Variants in WIPF1 observed in about 807,000 individuals in gnomAD.
WIPF1 encodes WAS/WASL interacting protein family member 1, also known as WAS/WASL-interacting protein family member 1.
A neutral mutation model predicts 35.4 loss-of-function variants in WIPF1; 13 were observed. The observed-to-expected ratio is 0.37, with a 90% CI of 0.24 to 0.58. The LOEUF (loss-of-function observed/expected upper bound fraction) is 0.58. Ranked by LOEUF, WIPF1 falls within the 20% of genes least tolerant of loss-of-function variation. The pLI, the probability that WIPF1 is intolerant of heterozygous loss-of-function variation, is 0.74. For synonymous variants in WIPF1, 267 were observed against 266.3 expected (o/e 1.00, Z -0.02); for missense variants, 591 against 667.0 (o/e 0.89, Z 1.25).
intron 1 of WIPF1, among the ~76,000 whole-genome samples, chr2:174,592,999 T>C (rs1182747766): frequency 6.6e-6 from 1 of 152,192 alleles, no homozygotes; most frequent in African/African-American, 2.4e-5. Flanking sequence ...AGTTTTTTGT[T>C]TGTTGTTGTT....
At position 174,560,830 on chromosome 2, in the gene WIPF1, A is replaced by G. The variant is rs1684467013; in HGVS notation, c.*1717T>C. The G allele has an allele frequency of 6.6e-6, 1 of 152,618 alleles. No individual in the cohort carries two copies. The highest frequency in any genetic ancestry group is 2.4e-5 in the African/African-American group (1 of 41,452). 9.5% of individuals were successfully genotyped at this position (152,618 alleles called of 1,614,324 possible). ...GAACTCTAAGTTCTTTTGCTTTTAT[A>G]TAAATGAAACATTTATTCTATAAAT... On this transcript the variant is annotated 3_prime_UTR_variant, in exon 8 of 8. Coordinates refer to ENST00000679041, the MANE Select transcript of WIPF1 (RefSeq NM_001375834.1).
chr2:174,572,598 C>T (rs1684910215), intron 4 of WIPF1, 152 bp from the exon 5 acceptor site: 2 of 1,109,270 alleles, frequency 1.8e-6, no homozygotes, highest in African/African-American at 1.6e-5. Context: ...TTTTGTTGGT[C>T]CTTCTTGGGA....
chr2:174,567,970 C>A lies in WIPF1; in HGVS notation c.1233G>T (p.Arg411Ser), dbSNP rs367686097. ...LPSRSGVDSP[R>S]SGPRPPLPPD... The stretch of plus-strand genomic sequence containing the variant: ...GAGGAAGGGGAGGCCTGGGTCCACT[C>A]CTGGGACTGTCTACTCCACTCCTGG... Residue 411 changes from arginine to serine, a missense_variant, in exon 6 of 8, where the codon AGG (arginine) becomes AGT (serine). Around this residue, in one of 3 missense-constraint regions of WIPF1, gnomAD observed 117 missense variants for 149.6 expected, o/e 0.78. Transcript: ENST00000679041. The A allele has an allele frequency of 3.3e-5, 53 of 1,613,964 alleles. No homozygotes were observed. Among genetic ancestry groups the A allele is most frequent in the Non-Finnish European group, 4.3e-5 (51 of 1,180,018 alleles).
At chr2:174,649,157 C>G (rs752467685) in intron 1 of WIPF1, among the ~76,000 whole-genome samples, 4 of 152,162 alleles carry the variant, frequency 2.6e-5, no homozygotes, top group Non-Finnish European at 5.9e-5. Flanking sequence ...TTTTCATCAT[C>G]AGGCCATACT....
intron 1 of WIPF1, among the ~76,000 whole-genome samples, chr2:174,610,741 G>A (rs1476386755): frequency 3.9e-5 from 6 of 152,162 alleles, no homozygotes; most frequent in South Asian, 2.1e-4. Flanking sequence ...TAAGGTCAAC[G>A]TGTCAGAATA....
At chr2:174,618,023 T>C (rs1272657450) in intron 1 of WIPF1, among the ~76,000 whole-genome samples, 2 of 152,212 alleles carry the variant, frequency 1.3e-5, no homozygotes, top group Non-Finnish European at 2.9e-5. Flanking sequence ...AGGAATCGAA[T>C]TGGTATGCTA....
intron 7 of WIPF1, among the ~76,000 whole-genome samples, chr2:174,565,149 C>G (rs186574601): frequency 0.011 from 1,619 of 152,222 alleles, 28 homozygotes; most frequent in African/African-American, 0.036. Context: ...CCCACCTCAG[C>G]CTCCCAAAGT....
At chr2:174,580,713 G>A (rs1026918910) in intron 3 of WIPF1, among the ~76,000 whole-genome samples, 1 of 152,196 alleles carries the variant, frequency 6.6e-6, no homozygotes, top group Non-Finnish European at 1.5e-5. Flanking sequence ...GTTCCAGAAA[G>A]TACCTCAGAC....
chr2:174,646,733 C>G (rs1687417056), intron 1 of WIPF1, among the ~76,000 whole-genome samples: 1 of 152,114 alleles, frequency 6.6e-6, no homozygotes, highest in Non-Finnish European at 1.5e-5. Context: ...CCCACCTCAG[C>G]CTCCTGAGTA....
chr2:174,581,623 T>C (rs1685244490), intron 2 of WIPF1, among the ~76,000 whole-genome samples, 184 bp from the exon 3 acceptor site: 4 of 152,222 alleles, frequency 2.6e-5, no homozygotes, highest in Non-Finnish European at 5.9e-5. Context: ...TGGAAGCAGA[T>C]GCAGCAATAA....
At chr2:174,665,542 C>A (rs1687873368) in intron 1 of WIPF1, 1 of 152,202 alleles carries the variant, frequency 6.6e-6, no homozygotes, top group South Asian at 2.1e-4. Context: ...ACATGTCTGA[C>A]AAATTTCTAT....
rs778987300 is a variant in WIPF1, at chr2:174,618,967, C to T, written c.-38-33356G>A. ...TGACACATACACACACACACACGCA[C>T]ACAGAGTTTTTGAGAAAGGGTCTCA... On this transcript the variant is annotated intron_variant, in intron 1 of 8. Transcript: ENST00000272746. 1.2e-3 allele frequency among the ~76,000 whole-genome samples: 190 copies of T among 152,254 alleles called. 1 individual carries two copies. The highest frequency in any genetic ancestry group is 2.3e-3 in the Non-Finnish European group (155 of 67,998).
At chr2:174,582,765 C>T (rs1574805245) in intron 2 of WIPF1, among the ~76,000 whole-genome samples, 1 of 152,152 alleles carries the variant, frequency 6.6e-6, no homozygotes, top group East Asian at 1.9e-4. Flanking sequence ...AAAGGAAGAA[C>T]TCAGAAAAAC....
At chr2:174,563,606 C>T (rs898012974) in intron 7 of WIPF1, among the ~76,000 whole-genome samples, 4 of 152,130 alleles carry the variant, frequency 2.6e-5, no homozygotes, top group Non-Finnish European at 5.9e-5. Context: ...TATTCATGGG[C>T]TATCAGTCCA....
In WIPF1 at chr2:174,590,444, G is replaced by T. The variant is rs2105854024; in HGVS notation, c.-38-4833C>A. Among the ~76,000 whole-genome samples the T allele has an allele frequency of 6.6e-6, 1 of 152,328 alleles. No homozygotes were observed. The highest frequency in any genetic ancestry group is 2.4e-5 in the African/African-American group (1 of 41,568). Reference sequence around the variant, plus strand: ...GGCTAGTCTGAGGGGCCACAGCTTTGCTCAGTGGCTGTGGGTGGATCTGCC... The same window carrying T: ...GGCTAGTCTGAGGGGCCACAGCTTTTCTCAGTGGCTGTGGGTGGATCTGCC... On this transcript the variant is annotated intron_variant, in intron 1 of 7. Coordinates refer to ENST00000679041, the MANE Select transcript of WIPF1 (RefSeq NM_001375834.1). This position sits in a 1 kb window ranked among gnomAD's most constrained non-coding sequence, Gnocchi z 4.6.
At chr2:174,605,652 T>C (rs1360447633) in intron 1 of WIPF1, among the ~76,000 whole-genome samples, 3 of 152,136 alleles carry the variant, frequency 2.0e-5, no homozygotes, top group South Asian at 2.1e-4. Flanking sequence ...ACTGAAATAT[T>C]TGTGGATGAA....
chr2:174,567,006 T>A, intron 7 of WIPF1, 64 bp downstream of exon 7: 1 of 1,520,078 alleles, frequency 6.6e-7, no homozygotes, highest in South Asian at 1.1e-5. Context: ...ACTTTCTATA[T>A]AGCCCGAGTG....
intron 1 of WIPF1, among the ~76,000 whole-genome samples, chr2:174,679,467 C>CAAA (rs202032725): frequency 9.3e-6 from 1 of 107,544 alleles, no homozygotes; most frequent in Admixed American, 9.6e-5. Context: ...AAATTTGTCT[C>CAAA]AAAAAAAAAA....
rs1684483412 is a variant in WIPF1, at chr2:174,561,528, AC to A, written c.*1018del. ...GTTTCCAATGGCTTTATTCCACATGACTTTAGTAAACCGTACTCAATCAATT... is the reference window on the plus strand; with the variant it reads ...GTTTCCAATGGCTTTATTCCACATGATTTAGTAAACCGTACTCAATCAATT... On this transcript the variant is annotated 3_prime_UTR_variant, in exon 8 of 8. Coordinates refer to ENST00000679041, the MANE Select transcript of WIPF1 (RefSeq NM_001375834.1). 1 of 152,542 alleles carries A rather than the reference AC, an allele frequency of 6.6e-6. No homozygotes were observed. The highest frequency in any genetic ancestry group is 1.5e-5 in the Non-Finnish European group (1 of 68,324). The allele number at this position is 152,542 out of a possible 1,614,324, so 9.4% of individuals were successfully genotyped here. A position where few individuals can be genotyped will look rare whatever the true frequency, so the allele number is the denominator to read the frequency against.
Sources: allele counts gnomAD v4.1 joint callset (sites outside exome capture counted in the v4.1 genomes callset), GRCh38; gene constraint gnomAD v4.1.1; regional missense constraint gnomAD v4.1.1; non-coding constraint Gnocchi (gnomAD v3.1); transcripts MANE v1.5; gene names NCBI Gene and HGNC (gene_info 2026-07-23, HGNC 2026-07-21).